PPARGC1A: variants seen among roughly 807,000 people sequenced by gnomAD.
PPARGC1A encodes the protein peroxisome proliferator-activated receptor gamma coactivator 1-alpha.
PPARGC1A carries 25 observed loss-of-function variants against 88.7 expected under a neutral mutation model. The observed-to-expected ratio is 0.28, with a 90% CI of 0.21 to 0.39. PPARGC1A has a LOEUF of 0.39. Among genes scored for constraint, PPARGC1A ranks in the 10% least tolerant of loss-of-function variants. The pLI, the probability that PPARGC1A is intolerant of heterozygous loss-of-function variation, is 1.00. For missense variants in PPARGC1A, 880 were observed against 968.7 expected (o/e 0.91, Z 1.22); for synonymous variants, 363 against 355.6 (o/e 1.02, Z -0.24).
the PPARGC1A span, among the ~76,000 whole-genome samples, chr4:24,257,630 G>T: frequency 4.6e-5 from 7 of 152,092 alleles, no homozygotes; most frequent in East Asian, 9.7e-4. Flanking sequence ...CTGTAACCTG[G>T]TTAAGAAGGG....
chr4:23,915,305 A>G, the PPARGC1A span, among the ~76,000 whole-genome samples: 37 of 152,204 alleles, frequency 2.4e-4, no homozygotes, highest in African/African-American at 8.9e-4. Flanking sequence ...ACATACCTGG[A>G]ATTCACCATT....
the PPARGC1A span, among the ~76,000 whole-genome samples, chr4:24,068,812 C>G: frequency 2.0e-5 from 3 of 152,192 alleles, no homozygotes; most frequent in Non-Finnish European, 1.5e-5. Context: ...CATCCCACAT[C>G]TTCTACTTCA....
In PPARGC1A at chr4:23,884,930, C is replaced by T. The variant is rs1406929929; in HGVS notation, c.56G>A (p.Cys19Tyr). 6.3e-7 allele frequency: 1 copy of T among 1,595,216 alleles called. No homozygotes were observed. The highest frequency in any genetic ancestry group is 8.5e-7 in the Non-Finnish European group (1 of 1,171,268). The change falls in exon 2 of 13, where the codon TGT becomes TAT. Residue 19 changes from cysteine (C) to tyrosine (Y), a missense_variant and splice_region_variant. By Grantham distance (194) the Cys-to-Tyr change is radical. Coordinates refer to ENST00000264867, the MANE Select transcript of PPARGC1A (RefSeq NM_013261.5). ...CTGGTCTTCACCAACCAGAGCAGCA[C>T]ACTGCAGGAGGCAGAAAAAAAAAAT... ...DSESVWSDIE[C>Y]AALVGEDQPL... is the part of the protein sequence containing the mutation.
chr4:24,302,547 T>C, the PPARGC1A span, among the ~76,000 whole-genome samples: 1 of 152,352 alleles, frequency 6.6e-6, no homozygotes, highest in African/African-American at 2.4e-5. Flanking sequence ...TGAATCAAAA[T>C]GCTGTAGCTT....
chr4:24,248,781 G>A, the PPARGC1A span, among the ~76,000 whole-genome samples: 2 of 152,154 alleles, frequency 1.3e-5, no homozygotes, highest in African/African-American at 4.8e-5. Context: ...TCTAATTCTG[G>A]GGAGGAAGTC....
At chr4:23,890,196 T>A, upstream of PPARGC1A, 1 of 685,730 alleles carries the variant, frequency 1.5e-6, no homozygotes, top group Non-Finnish European at 2.0e-6. Context: ...GGCAGCCCTC[T>A]GCTTCAGTGA....
chr4:23,883,556 A>AC (rs1456059078), intron 2 of PPARGC1A: 3 of 152,200 alleles, frequency 2.0e-5, no homozygotes, highest in African/African-American at 7.2e-5. Flanking sequence ...TGGGGAAAAC[A>AC]AATAACCTCT....
the PPARGC1A span, among the ~76,000 whole-genome samples, chr4:24,160,556 G>C: frequency 6.6e-6 from 1 of 152,132 alleles, no homozygotes; most frequent in African/African-American, 2.4e-5. Flanking sequence ...TCTCTTCAAA[G>C]AGGAATGCTT....
the PPARGC1A span, among the ~76,000 whole-genome samples, chr4:23,931,388 T>C: frequency 1.3e-5 from 2 of 151,930 alleles, no homozygotes; most frequent in African/African-American, 2.4e-5. Context: ...AAGGTTACTG[T>C]AGACTAGCTC....
At chr4:24,443,443 G>A in the PPARGC1A span, among the ~76,000 whole-genome samples, 1 of 152,070 alleles carries the variant, frequency 6.6e-6, no homozygotes, top group Non-Finnish European at 1.5e-5. Flanking sequence ...ACATAAAGGT[G>A]GGAACTGAAA....
chr4:23,880,314 C>T (rs1715670159), intron 2 of PPARGC1A, among the ~76,000 whole-genome samples: 1 of 152,136 alleles, frequency 6.6e-6, no homozygotes, highest in Admixed American at 6.6e-5. Flanking sequence ...GGACACAGGC[C>T]TTCTTTTGTG....
At chr4:24,112,704 G>T in the PPARGC1A span, among the ~76,000 whole-genome samples, 1,852 of 152,222 alleles carry the variant, frequency 0.012, 43 homozygotes, top group African/African-American at 0.042. Flanking sequence ...TCTCACCCTG[G>T]ATGCATCACT....
chr4:24,300,075 G>A, the PPARGC1A span, among the ~76,000 whole-genome samples: 1 of 152,090 alleles, frequency 6.6e-6, no homozygotes, highest in Non-Finnish European at 1.5e-5. Context: ...TTAAAGGTCA[G>A]GTCTGATTAG....
chr4:24,036,769 C>A, the PPARGC1A span, among the ~76,000 whole-genome samples: 2 of 152,164 alleles, frequency 1.3e-5, no homozygotes, highest in Admixed American at 6.5e-5. Context: ...AGGGAAACTT[C>A]TGGCATGTTG....
chr4:24,445,838 C>A, the PPARGC1A span, among the ~76,000 whole-genome samples: 3 of 152,034 alleles, frequency 2.0e-5, no homozygotes, highest in African/African-American at 4.8e-5. Context: ...GAGGCTGAGG[C>A]GGGCGGATCG....
At chr4:24,314,754 C>G in the PPARGC1A span, among the ~76,000 whole-genome samples, 1 of 152,060 alleles carries the variant, frequency 6.6e-6, no homozygotes, top group African/African-American at 2.4e-5. Context: ...TGTCCATCAC[C>G]TGGAGACAAA....
chr4:24,311,602 T>A, the PPARGC1A span, among the ~76,000 whole-genome samples: 1 of 151,766 alleles, frequency 6.6e-6, no homozygotes, highest in Non-Finnish European at 1.5e-5. Flanking sequence ...ATCACACCAC[T>A]GCACTCCAGT....
At chr4:24,195,883 A>G in the PPARGC1A span, among the ~76,000 whole-genome samples, 2 of 152,234 alleles carry the variant, frequency 1.3e-5, no homozygotes, top group African/African-American at 4.8e-5. Context: ...TCAAGCTTTA[A>G]TCACCAAACT....
intron 7 of PPARGC1A, among the ~76,000 whole-genome samples, chr4:23,821,331 A>G (rs1321757553): frequency 6.6e-6 from 1 of 152,114 alleles, no homozygotes; most frequent in Non-Finnish European, 1.5e-5. Context: ...GTACCTATTT[A>G]GGGAGTGCCT....
Sources: gnomAD v4.1 joint callset for allele counts (sites outside exome capture counted in the v4.1 genomes callset) on GRCh38, gnomAD v4.1.1 for gene constraint, MANE v1.5 for transcripts, NCBI Gene and HGNC (gene_info 2026-07-23, HGNC 2026-07-21) for gene names.